FMN2: variants seen among roughly 807,000 people sequenced by gnomAD.
FMN2 encodes formin-2.
A neutral mutation model predicts 142.3 loss-of-function variants in FMN2; 51 were observed. That is an observed-to-expected ratio of 0.36 (90% CI 0.29 to 0.45). FMN2 has a LOEUF of 0.45. FMN2 is among the 20% of genes least tolerant of loss of function. The pLI is 1.00. For synonymous variants in FMN2, 882 were observed against 869.8 expected (o/e 1.01, Z -0.25); for missense variants, 1,936 against 2,122.8 (o/e 0.91, Z 1.73).
At chr1:240,124,341 C>G (rs575240239) in intron 2 of FMN2, among the ~76,000 whole-genome samples, 10 of 152,156 alleles carry the variant, frequency 6.6e-5, no homozygotes, top group Admixed American at 1.3e-4. Context: ...TTGTGCGTTC[C>G]TAACTCATGT....
At chr1:240,442,094 G>A (rs1384918412) in intron 16 of FMN2, among the ~76,000 whole-genome samples, 2 of 152,100 alleles carry the variant, frequency 1.3e-5, no homozygotes, top group Admixed American at 6.6e-5. Flanking sequence ...TGTCCCTTCC[G>A]TGATCCATGT....
At chr1:240,178,279 C>G (rs1159260799) in intron 3 of FMN2, among the ~76,000 whole-genome samples, 1 of 152,042 alleles carries the variant, frequency 6.6e-6, no homozygotes, top group African/African-American at 2.4e-5. Context: ...AGCGTGAGAT[C>G]AGCCTCAGGT....
rs1462555296 is a variant in FMN2, at chr1:240,208,386, G to A, written c.3574G>A (p.Gly1192Arg). Reference sequence around the variant, plus strand: ...AATACCTCCTCCGCCCCCTCTACCTGGAGTGGGAATACCTCCTCCGCCCCC... The same window carrying A: ...AATACCTCCTCCGCCCCCTCTACCTAGAGTGGGAATACCTCCTCCGCCCCC... ...VGIPPPPPLP[G>R]VGIPPPPPLP... Residue 1192 changes from glycine (G) to arginine (R), a missense_variant, in exon 5 of 18, where the codon GGA becomes AGA. Physicochemically the swap from Gly to Arg is moderately radical, Grantham distance 125. This residue lies in a region of FMN2 where 259 missense variants were observed against 230.9 expected (regional missense o/e 1.12). Coordinates refer to ENST00000319653, the MANE Select transcript of FMN2 (RefSeq NM_020066.5). 1 of 1,577,414 alleles carries A rather than the reference G, an allele frequency of 6.3e-7. No individual in the cohort carries two copies.
intron 6 of FMN2, among the ~76,000 whole-genome samples, chr1:240,240,440 C>T (rs1488711426): frequency 6.6e-6 from 1 of 152,174 alleles, no homozygotes; most frequent in Non-Finnish European, 1.5e-5. Context: ...CACATGGTCT[C>T]AATAAGAGTC....
chr1:240,139,987 T>C (rs138806462), intron 2 of FMN2, among the ~76,000 whole-genome samples: 80 of 152,230 alleles, frequency 5.3e-4, no homozygotes, highest in African/African-American at 1.4e-3. Flanking sequence ...TCGGATAGGA[T>C]GCCTACAGGT....
chr1:240,119,154 C>A (rs2103210051), intron 1 of FMN2, among the ~76,000 whole-genome samples: 2 of 151,990 alleles, frequency 1.3e-5, no homozygotes, highest in Admixed American at 1.3e-4. Flanking sequence ...ATGGTGAAAT[C>A]TCCTCTCTAC....
chr1:240,416,355 G>T (rs944849038), intron 15 of FMN2, among the ~76,000 whole-genome samples: 6 of 150,732 alleles, frequency 4.0e-5, no homozygotes, highest in Non-Finnish European at 8.8e-5. Flanking sequence ...CCACCTCCTG[G>T]GTTCAAGCGA....
intron 3 of FMN2, among the ~76,000 whole-genome samples, chr1:240,185,850 G>A (rs1572035086): frequency 1.3e-5 from 2 of 152,276 alleles, no homozygotes; most frequent in South Asian, 2.1e-4. Flanking sequence ...ATTTGGAAGT[G>A]ACGAAAAACA....
chr1:240,371,349 T>C (rs1312779857), intron 14 of FMN2, among the ~76,000 whole-genome samples: 2 of 152,176 alleles, frequency 1.3e-5, no homozygotes, highest in South Asian at 2.1e-4. Context: ...AAGTCTAAGC[T>C]TTCCTTCCTT....
intron 3 of FMN2, among the ~76,000 whole-genome samples, chr1:240,184,883 C>G (rs910298840): frequency 2.0e-5 from 3 of 151,916 alleles, no homozygotes; most frequent in South Asian, 2.1e-4. Context: ...ATCAATTTCT[C>G]TCCGCTCCCT....
At chr1:240,443,346 A>G (rs1476203770) in intron 16 of FMN2, among the ~76,000 whole-genome samples, 7 of 152,250 alleles carry the variant, frequency 4.6e-5, no homozygotes, top group Non-Finnish European at 8.8e-5. Flanking sequence ...ATTGTTAATA[A>G]GAAATCCTCC....
At chr1:240,236,915 A>T (rs942458575) in intron 6 of FMN2, among the ~76,000 whole-genome samples, 9 of 152,124 alleles carry the variant, frequency 5.9e-5, no homozygotes, top group African/African-American at 2.2e-4. Flanking sequence ...TCTTTCAGGG[A>T]TTTTGTTTTC....
At chr1:240,109,516 A>C (rs546397178) in intron 1 of FMN2, among the ~76,000 whole-genome samples, 67 of 152,164 alleles carry the variant, frequency 4.4e-4, no homozygotes, top group Non-Finnish European at 7.1e-4. Flanking sequence ...TCCCTGCTCT[A>C]TGTTGAACTC....
intron 6 of FMN2, among the ~76,000 whole-genome samples, chr1:240,256,361 A>C (rs1668449010): frequency 6.6e-6 from 1 of 152,196 alleles, no homozygotes; most frequent in Non-Finnish European, 1.5e-5. Flanking sequence ...AACATTTAGA[A>C]TCAAAATGTA....
At chr1:240,373,665 C>T (rs1053044896) in intron 14 of FMN2, among the ~76,000 whole-genome samples, 9 of 152,182 alleles carry the variant, frequency 5.9e-5, no homozygotes, top group African/African-American at 1.2e-4. Context: ...CATCCTCAGG[C>T]TCCACTTCTC....
At chr1:240,433,295 CT>C (rs940536012) in intron 15 of FMN2, among the ~76,000 whole-genome samples, 4 of 152,086 alleles carry the variant, frequency 2.6e-5, no homozygotes, top group Non-Finnish European at 5.9e-5. Context: ...TTTTACGTAG[CT>C]TTTTCCACTG....
chr1:240,361,224 A>G (rs1672471555), intron 14 of FMN2, among the ~76,000 whole-genome samples: 1 of 149,300 alleles, frequency 6.7e-6, no homozygotes, highest in Admixed American at 6.7e-5. Context: ...ACACGAAGAA[A>G]TGGACACAAG....
chr1:240,218,248 A>T (rs1423732922), intron 6 of FMN2, among the ~76,000 whole-genome samples: 1 of 126,420 alleles, frequency 7.9e-6, no homozygotes, highest in Non-Finnish European at 1.6e-5. Context: ...GCACCATTGC[A>T]CTCCAGCCTG....
chr1:240,400,303 T>C (rs1673930448), intron 15 of FMN2, among the ~76,000 whole-genome samples: 1 of 152,142 alleles, frequency 6.6e-6, no homozygotes, highest in Non-Finnish European at 1.5e-5. Context: ...ATATATGCTG[T>C]AAGCCTCACT....
Sources: allele counts gnomAD v4.1 joint callset (sites outside exome capture counted in the v4.1 genomes callset), GRCh38; gene constraint gnomAD v4.1.1; regional missense constraint gnomAD v4.1.1; transcripts MANE v1.5; gene names NCBI Gene and HGNC (gene_info 2026-07-23, HGNC 2026-07-21).